Variants in DIS3L2 observed in about 807,000 individuals in gnomAD.
DIS3L2 encodes DIS3 like 3'-5' exoribonuclease 2, also known as DIS3-like exonuclease 2.
In DIS3L2, 34 loss-of-function variants were observed where a neutral mutation model predicts 97.5. The observed-to-expected ratio is 0.35, with a 90% CI of 0.27 to 0.46. The LOEUF is 0.46. Ranked by LOEUF, DIS3L2 falls within the 20% of genes least tolerant of loss-of-function variation. The probability of loss-of-function intolerance (pLI) is 1.00; values close to 1 mark genes in which losing one functional copy is unlikely to be tolerated. For missense variants in DIS3L2, 1,038 were observed against 1,146.0 expected (o/e 0.91, Z 1.36); for synonymous variants, 435 against 445.2 (o/e 0.98, Z 0.29).
chr2:232,329,785 T>TCCCCGGGGGGGGGCCCCC, intron 14 of DIS3L2, 28 bp from the exon 15 acceptor site: 56 of 967,052 alleles, frequency 5.8e-5, no homozygotes, highest in East Asian at 1.6e-4. Context: ...ACCCCAGCGG[T>TCCCCGGGGGGGGGCCCCC]CCCTCCCATC....
downstream of DIS3L2, chr2:232,337,268 C>T (rs1300886448): frequency 1.1e-6 from 1 of 908,306 alleles, no homozygotes; most frequent in Admixed American, 6.2e-5. Context: ...CCTGCCCCCA[C>T]TTCCTCTCTG....
At position 232,333,880 on chromosome 2, in the gene DIS3L2, C is replaced by T. The variant is rs781674022; in HGVS notation, c.2051C>T (p.Ala684Val). The T allele has an allele frequency of 6.8e-6, 11 of 1,612,798 alleles. No individual in the cohort carries two copies. The highest frequency in any genetic ancestry group is 4.5e-5 in the East Asian group (2 of 44,866). ...YFCSGLLQDPAQFRHYALNVP... is the reference protein window; with the variant it reads ...YFCSGLLQDPVQFRHYALNVP... ...TGCTCGGGGCTGCTGCAGGACCCAG[C>T]GCAGTTCCGGCACTACGCGCTCAAT... The change falls in exon 17 of 21, where the codon GCG (alanine) becomes GTG (valine). Residue 684 changes from alanine (A) to valine (V), a missense_variant. This residue lies in a region of DIS3L2 where 813 missense variants were observed against 880.1 expected (regional missense o/e 0.92). Coordinates refer to ENST00000325385, the MANE Select transcript of DIS3L2 (RefSeq NM_152383.5).
At chr2:232,264,268 A>G (rs1273795323) in intron 13 of DIS3L2, among the ~76,000 whole-genome samples, 2 of 152,252 alleles carry the variant, frequency 1.3e-5, no homozygotes, top group Non-Finnish European at 2.9e-5. Flanking sequence ...CTAACAGGTC[A>G]TGGACCAGTA....
chr2:231,987,674 C>T (rs963757191), intron 1 of DIS3L2, among the ~76,000 whole-genome samples: 4 of 152,164 alleles, frequency 2.6e-5, no homozygotes, highest in African/African-American at 9.7e-5. Context: ...GCTTATTTCC[C>T]TGGAGTCTGT....
At chr2:232,250,052 C>G in intron 12 of DIS3L2, among the ~76,000 whole-genome samples, 1 of 152,110 alleles carries the variant, frequency 6.6e-6, no homozygotes, top group East Asian at 1.9e-4. Context: ...GAGAGAGATA[C>G]ATGAAAGAGA....
At position 232,084,313 on chromosome 2, in the gene DIS3L2, G is replaced by T. The variant is rs772557152; in HGVS notation, c.367-3174G>T. On this transcript the variant is annotated intron_variant, in intron 5 of 20. Transcript: ENST00000325385. ...TTATCCAAAATAAGGTCCTTTTTGG[G>T]ACCAGAAGTGTTTTTTTTGGGTTTG... 7.9e-5 allele frequency among the ~76,000 whole-genome samples: 12 copies of T among 152,162 alleles called. No individual in the cohort carries two copies. In the East Asian group the frequency reaches 2.3e-3, roughly 29 times the overall value.
At chr2:232,210,456 T>A in intron 10 of DIS3L2, 51 bp downstream of exon 10, 1 of 1,524,926 alleles carries the variant, frequency 6.6e-7, no homozygotes, top group Non-Finnish European at 9.1e-7. Flanking sequence ...TCTGCATGCC[T>A]GTGTGGTTAG....
At chr2:232,008,991 C>T (rs1694125565) in intron 1 of DIS3L2, among the ~76,000 whole-genome samples, 1 of 152,150 alleles carries the variant, frequency 6.6e-6, no homozygotes, top group African/African-American at 2.4e-5. Flanking sequence ...CTTAATTCTC[C>T]TCTTGAGCTT....
At position 232,083,114 on chromosome 2, in the gene DIS3L2, C is replaced by T. The variant is rs1021296748; in HGVS notation, c.367-4373C>T. ...CTCCCACCTGGTCCCTCCCATGACA[C>T]ATTGGAATTGTGGGAGCTACAAGTC... On this transcript the variant is annotated intron_variant, in intron 5 of 20. Transcript: ENST00000325385. 3.3e-5 allele frequency among the ~76,000 whole-genome samples: 5 copies of T among 151,758 alleles called. No individual in the cohort carries two copies. The South Asian group carries it at 8.3e-4, about 25-fold the overall frequency.
In DIS3L2 at chr2:232,268,698, G is replaced by A. The variant is rs1470983064; in HGVS notation, c.1659+5258G>A. Among the ~76,000 whole-genome samples, 1 of 152,146 alleles carries A rather than the reference G, an allele frequency of 6.6e-6. No homozygotes were observed. Among genetic ancestry groups the A allele is most frequent in the Non-Finnish European group, 1.5e-5 (1 of 68,032 alleles). The stretch of plus-strand genomic sequence containing the variant: ...AATGCATAAACCAGTCTTAGCTCAT[G>A]GGTCATACAAAAGCAGGTTTGGCCT... On this transcript the variant is annotated intron_variant, in intron 13 of 20. Transcript: ENST00000325385. The surrounding 1 kb of genome is among the most constrained non-coding windows in gnomAD (Gnocchi z 4.1).
chr2:232,327,885 C>T (rs1056650813), intron 14 of DIS3L2, among the ~76,000 whole-genome samples: 7 of 152,194 alleles, frequency 4.6e-5, no homozygotes, highest in Non-Finnish European at 7.3e-5. Context: ...GTTTTCTCTG[C>T]GTCCATGACA....
At chr2:232,294,117 G>A (rs149340033) in intron 13 of DIS3L2, among the ~76,000 whole-genome samples, 2,066 of 152,332 alleles carry the variant, frequency 0.014, 26 homozygotes, top group Middle Eastern at 0.024. Flanking sequence ...ATGACCAGAA[G>A]CACTCAACAA....
At chr2:232,198,277 G>T (rs939957817) in intron 9 of DIS3L2, among the ~76,000 whole-genome samples, 1 of 152,092 alleles carries the variant, frequency 6.6e-6, no homozygotes, top group Admixed American at 6.5e-5. Context: ...AAGATTTCTC[G>T]TATGTTGAAG....
At chr2:232,153,701 G>T (rs1312986398) in intron 8 of DIS3L2, among the ~76,000 whole-genome samples, 1 of 140,492 alleles carries the variant, frequency 7.1e-6, no homozygotes, top group African/African-American at 2.8e-5. Flanking sequence ...TTCTCGAGGA[G>T]TATCTTTGTG....
intron 10 of DIS3L2, among the ~76,000 whole-genome samples, chr2:232,216,553 C>G (rs1475293330): frequency 6.6e-6 from 1 of 152,184 alleles, no homozygotes; most frequent in Non-Finnish European, 1.5e-5. Context: ...CATTCTGCCT[C>G]TGATTCCACC....
At chr2:232,109,855 T>G (rs1199293620) in intron 6 of DIS3L2, among the ~76,000 whole-genome samples, 1 of 152,016 alleles carries the variant, frequency 6.6e-6, no homozygotes, top group African/African-American at 2.4e-5. Context: ...AAGCAAAAAT[T>G]GACAAATGGT....
intron 16 of DIS3L2, 127 bp downstream of exon 16, chr2:232,330,903 G>GGCT: frequency 1.0e-6 from 1 of 978,182 alleles, no homozygotes; most frequent in Non-Finnish European, 1.6e-6. Context: ...GGTGGACGGG[G>GGCT]GCTGCTCCTC....
At chr2:232,182,824 G>A (rs897931166) in intron 9 of DIS3L2, among the ~76,000 whole-genome samples, 14 of 152,136 alleles carry the variant, frequency 9.2e-5, no homozygotes, top group African/African-American at 3.4e-4. Context: ...CTATTAAATA[G>A]TAATATAATG....
At chr2:231,966,169 T>C (rs1240690826) in intron 1 of DIS3L2, among the ~76,000 whole-genome samples, 1 of 126,204 alleles carries the variant, frequency 7.9e-6, no homozygotes, top group African/African-American at 4.3e-5. Flanking sequence ...CTTCTTCTTC[T>C]TCTTTTTTTT....
Sources: gnomAD v4.1 joint callset for allele counts (sites outside exome capture counted in the v4.1 genomes callset) on GRCh38, gnomAD v4.1.1 for gene constraint, gnomAD v4.1.1 regional missense constraint, Gnocchi (gnomAD v3.1) non-coding constraint, MANE v1.5 for transcripts, NCBI Gene and HGNC (gene_info 2026-07-23, HGNC 2026-07-21) for gene names.